Variants in ELAVL4 observed in about 807,000 individuals in gnomAD.
ELAVL4 encodes ELAV like RNA binding protein 4.
ELAVL4 carries 1 observed loss-of-function variant against 35.6 expected under a neutral mutation model. The ratio of observed to expected loss-of-function variants is 0.03; its 90% CI spans 0.01 to 0.13. ELAVL4 has a LOEUF of 0.13. ELAVL4 is among the 10% of genes least tolerant of loss of function. ELAVL4 has a pLI of 1.00. For synonymous variants in ELAVL4, 156 were observed against 171.0 expected (o/e 0.91, Z 0.69); for missense variants, 267 against 464.9 (o/e 0.57, Z 3.91).
intron 2 of ELAVL4, among the ~76,000 whole-genome samples, chr1:50,150,427 C>T (rs1674575111): frequency 6.6e-6 from 1 of 152,186 alleles, no homozygotes; most frequent in African/African-American, 2.4e-5. Context: ...ATTAAAGGAA[C>T]CAACTCAGTT....
At chr1:50,094,955 A>T (rs968437347) in intron 1 of ELAVL4, among the ~76,000 whole-genome samples, 4 of 151,958 alleles carry the variant, frequency 2.6e-5, no homozygotes, top group Non-Finnish European at 2.9e-5. Context: ...ATAATAAAAA[A>T]AATTATTCGG....
intron 2 of ELAVL4, among the ~76,000 whole-genome samples, chr1:50,167,755 C>T (rs552261130): frequency 6.6e-6 from 1 of 152,108 alleles, no homozygotes; most frequent in Non-Finnish European, 1.5e-5. Context: ...CCATTCTATC[C>T]ACTTAATTAT....
intron 1 of ELAVL4, among the ~76,000 whole-genome samples, chr1:50,057,195 TAA>T (rs538775379): frequency 4.5e-4 from 64 of 142,568 alleles, no homozygotes; most frequent in Non-Finnish European, 8.3e-4. Flanking sequence ...GTTTTAAAAG[TAA>T]AAAAAAAAAT....
intron 1 of ELAVL4, among the ~76,000 whole-genome samples, chr1:50,131,634 A>T (rs906432984): frequency 1.3e-5 from 2 of 151,908 alleles, no homozygotes; most frequent in East Asian, 3.9e-4. Flanking sequence ...CTAAAAATAC[A>T]AAAAAATTAG....
At chr1:50,080,886 T>C (rs1015419675) in intron 1 of ELAVL4, among the ~76,000 whole-genome samples, 1 of 152,170 alleles carries the variant, frequency 6.6e-6, no homozygotes, top group African/African-American at 2.4e-5. Context: ...AGAGAGAGAA[T>C]GGGAGAAGTT....
chr1:50,098,228 T>C (rs1665799354), intron 1 of ELAVL4, among the ~76,000 whole-genome samples: 1 of 152,208 alleles, frequency 6.6e-6, no homozygotes, highest in African/African-American at 2.4e-5. Flanking sequence ...TAGTAAATAC[T>C]CTTTATTCAC....
chr1:50,170,009 A>C (rs1022912313), intron 2 of ELAVL4, among the ~76,000 whole-genome samples: 1 of 152,168 alleles, frequency 6.6e-6, no homozygotes, highest in East Asian at 1.9e-4. Flanking sequence ...AGCATGTGGT[A>C]GGTGCTAGTT....
chr1:50,158,281 G>T (rs1299721707), intron 2 of ELAVL4, among the ~76,000 whole-genome samples: 2 of 152,126 alleles, frequency 1.3e-5, no homozygotes, highest in Non-Finnish European at 2.9e-5. Flanking sequence ...ACTTATCTAA[G>T]ATCACACAGC....
At chr1:50,199,542 C>A (rs939803005) in intron 6 of ELAVL4, among the ~76,000 whole-genome samples, 1 of 152,078 alleles carries the variant, frequency 6.6e-6, no homozygotes, top group Non-Finnish European at 1.5e-5. Flanking sequence ...CCCGTCTCTA[C>A]TAAAAATACA....
chr1:50,053,705 T>C (rs1004247743), intron 1 of ELAVL4, among the ~76,000 whole-genome samples: 4 of 152,164 alleles, frequency 2.6e-5, no homozygotes, highest in East Asian at 3.8e-4. Context: ...CTGTTTAGGA[T>C]GTATCAGTGA....
intron 1 of ELAVL4, among the ~76,000 whole-genome samples, chr1:50,080,355 A>T (rs1664952191): frequency 6.6e-6 from 1 of 152,108 alleles, no homozygotes; most frequent in Non-Finnish European, 1.5e-5. Context: ...AATTCCAGGG[A>T]CTAGCTGCTT....
intron 1 of ELAVL4, among the ~76,000 whole-genome samples, chr1:50,126,245 G>T (rs1669895324): frequency 6.6e-6 from 1 of 152,062 alleles, no homozygotes; most frequent in South Asian, 2.1e-4. Context: ...AATAAAATTA[G>T]ATTTGCTGTA....
chr1:50,120,873 G>A (rs1318393379), intron 1 of ELAVL4, among the ~76,000 whole-genome samples: 1 of 152,008 alleles, frequency 6.6e-6, no homozygotes, highest in African/African-American at 2.4e-5. Flanking sequence ...GTGGGATAAT[G>A]TGTGGCCAGA....
chr1:50,143,595 A>G (rs1376129691), intron 1 of ELAVL4, among the ~76,000 whole-genome samples: 1 of 152,204 alleles, frequency 6.6e-6, no homozygotes, highest in Non-Finnish European at 1.5e-5. Flanking sequence ...GAAGACTCTT[A>G]GGATTTAAGT....
At chr1:50,198,774 G>A (rs1004279792) in intron 6 of ELAVL4, among the ~76,000 whole-genome samples, 14 of 152,098 alleles carry the variant, frequency 9.2e-5, no homozygotes, top group Admixed American at 7.2e-4. Flanking sequence ...CTCCTCCACT[G>A]CCCCACCCAG....
upstream of ELAVL4, among the ~76,000 whole-genome samples, chr1:50,108,430 A>G (rs1666545192): frequency 6.6e-6 from 1 of 152,216 alleles, no homozygotes; most frequent in African/African-American, 2.4e-5. Context: ...TTAGCACATT[A>G]AAGTGCTTTT....
intron 2 of ELAVL4, among the ~76,000 whole-genome samples, chr1:50,164,179 G>A (rs1003848542): frequency 6.6e-6 from 1 of 152,166 alleles, no homozygotes; most frequent in African/African-American, 2.4e-5. Context: ...TTAGAAATAA[G>A]TATAAACTGA....
At chr1:50,117,259 G>C (rs1668109801) in intron 1 of ELAVL4, among the ~76,000 whole-genome samples, 1 of 152,004 alleles carries the variant, frequency 6.6e-6, no homozygotes, top group Admixed American at 6.6e-5. Context: ...TGTTCAGATG[G>C]GGCTAAAAAC....
At chr1:50,109,792 G>T (rs1251509424) in intron 1 of ELAVL4, 11 of 865,754 alleles carry the variant, frequency 1.3e-5, no homozygotes, top group Non-Finnish European at 2.0e-5. Flanking sequence ...AAAAGAGGAG[G>T]CGGCTTGTAT....
Sources: allele counts gnomAD v4.1 joint callset (sites outside exome capture counted in the v4.1 genomes callset), GRCh38; gene constraint gnomAD v4.1.1; transcripts MANE v1.5; gene names NCBI Gene and HGNC (gene_info 2026-07-23, HGNC 2026-07-21).